The following ADCY2 variants were observed in gnomAD, a reference collection of about 807,000 sequenced individuals.
ADCY2 encodes adenylate cyclase type 2.
ADCY2 carries 31 observed loss-of-function variants against 125.2 expected under a neutral mutation model. The ratio of observed to expected loss-of-function variants is 0.25; its 90% CI spans 0.19 to 0.33. The LOEUF (loss-of-function observed/expected upper bound fraction) is 0.33. ADCY2 is among the 10% of genes least tolerant of loss of function. The pLI is 1.00. For synonymous variants in ADCY2, 512 were observed against 548.4 expected (o/e 0.93, Z 0.93); for missense variants, 904 against 1,418.2 (o/e 0.64, Z 5.82).
At chr5:7,499,808 G>A (rs911351793) in intron 2 of ADCY2, among the ~76,000 whole-genome samples, 1 of 150,742 alleles carries the variant, frequency 6.6e-6, no homozygotes, top group South Asian at 2.1e-4. Flanking sequence ...TGCCCATATA[G>A]AGAAAAAACA....
chr5:7,487,205 C>T (rs540435187), intron 2 of ADCY2, among the ~76,000 whole-genome samples: 1 of 152,300 alleles, frequency 6.6e-6, no homozygotes, highest in South Asian at 2.1e-4. Flanking sequence ...CAGATTCACC[C>T]CTTCTCCAGA....
intron 1 of ADCY2, among the ~76,000 whole-genome samples, chr5:7,411,663 A>G: frequency 6.6e-6 from 1 of 152,200 alleles, no homozygotes; most frequent in East Asian, 1.9e-4. Flanking sequence ...ATTTTTAAAA[A>G]AGAGAGAGAA....
At chr5:7,599,354 T>C (rs1304226681) in intron 3 of ADCY2, among the ~76,000 whole-genome samples, 4 of 152,306 alleles carry the variant, frequency 2.6e-5, no homozygotes, top group East Asian at 1.9e-4. Flanking sequence ...AACTGAGAGC[T>C]TACTGACTGT....
intron 2 of ADCY2, among the ~76,000 whole-genome samples, chr5:7,447,730 G>C (rs910763634): frequency 1.3e-5 from 2 of 152,212 alleles, no homozygotes; most frequent in Non-Finnish European, 2.9e-5. Flanking sequence ...GGATCTTGCA[G>C]ATGAGGGGCT....
chr5:7,571,113 G>A (rs1354279604), intron 3 of ADCY2, among the ~76,000 whole-genome samples: 1 of 152,136 alleles, frequency 6.6e-6, no homozygotes, highest in East Asian at 1.9e-4. Flanking sequence ...TAGAGAAGCA[G>A]AGCCAATAGG....
At chr5:7,487,425 C>G (rs1224528113) in intron 2 of ADCY2, among the ~76,000 whole-genome samples, 3 of 152,188 alleles carry the variant, frequency 2.0e-5, no homozygotes, top group African/African-American at 7.2e-5. Context: ...TCATCATAAA[C>G]AGATAACCTA....
chr5:7,763,832 C>T (rs1262927793), intron 16 of ADCY2, among the ~76,000 whole-genome samples: 3 of 152,170 alleles, frequency 2.0e-5, no homozygotes, highest in African/African-American at 4.8e-5. Context: ...TCTCTGTCAT[C>T]GCTTGCCATG....
chr5:7,419,555 G>A (rs961147778), intron 2 of ADCY2, among the ~76,000 whole-genome samples: 1 of 152,252 alleles, frequency 6.6e-6, no homozygotes, highest in African/African-American at 2.4e-5. Context: ...CCAGCCTTCC[G>A]AAGGTGAGGC....
intron 4 of ADCY2, among the ~76,000 whole-genome samples, chr5:7,682,105 C>T (rs1261102079): frequency 1.3e-5 from 2 of 152,152 alleles, no homozygotes; most frequent in South Asian, 2.1e-4. Context: ...ATATCTACAA[C>T]ATTAAGTGCT....
At chr5:7,687,823 G>A (rs535349325) in intron 4 of ADCY2, among the ~76,000 whole-genome samples, 16 of 152,286 alleles carry the variant, frequency 1.1e-4, no homozygotes, top group South Asian at 2.1e-4. Flanking sequence ...AAAGTTGACT[G>A]ATTGTTTTAA....
intron 3 of ADCY2, among the ~76,000 whole-genome samples, chr5:7,556,807 G>T (rs752812196): frequency 2.6e-5 from 4 of 152,212 alleles, no homozygotes; most frequent in Non-Finnish European, 4.4e-5. Flanking sequence ...TAGGTTGTGT[G>T]CTCCTTGTGA....
chr5:7,713,913 T>C (rs1342759761), intron 11 of ADCY2, among the ~76,000 whole-genome samples: 1 of 152,118 alleles, frequency 6.6e-6, no homozygotes, highest in Non-Finnish European at 1.5e-5. Flanking sequence ...AGAAAAGGAA[T>C]TGTACCCAAG....
chr5:7,521,351 A>G (rs1744439077), intron 3 of ADCY2, among the ~76,000 whole-genome samples: 2 of 151,990 alleles, frequency 1.3e-5, no homozygotes, highest in Admixed American at 6.5e-5. Flanking sequence ...TATCAGGTCT[A>G]TGAGCATTAA....
chr5:7,586,533 A>G (rs1210230533), intron 3 of ADCY2, among the ~76,000 whole-genome samples: 1 of 152,148 alleles, frequency 6.6e-6, no homozygotes, highest in African/African-American at 2.4e-5. Flanking sequence ...GGAACTATGC[A>G]GTTAATTCAA....
chr5:7,519,045 C>G (rs1023549052), intron 2 of ADCY2, among the ~76,000 whole-genome samples: 4 of 152,154 alleles, frequency 2.6e-5, no homozygotes, highest in Non-Finnish European at 5.9e-5. Context: ...GCCTGGAGTG[C>G]CAAATCGAAG....
chr5:7,627,746 T>A (rs1459829855), intron 4 of ADCY2, among the ~76,000 whole-genome samples: 1 of 152,232 alleles, frequency 6.6e-6, no homozygotes, highest in Non-Finnish European at 1.5e-5. Flanking sequence ...TGCTGAATGG[T>A]AATCATTCTT....
intron 14 of ADCY2, among the ~76,000 whole-genome samples, chr5:7,735,728 A>C (rs2126417195): frequency 6.6e-6 from 1 of 152,288 alleles, no homozygotes; most frequent in South Asian, 2.1e-4. Context: ...TCAATTGACT[A>C]ATATTTTGTT....
At chr5:7,555,903 TAAAC>T (rs1735494764) in intron 3 of ADCY2, among the ~76,000 whole-genome samples, 1 of 150,806 alleles carries the variant, frequency 6.6e-6, no homozygotes, top group African/African-American at 2.4e-5. Flanking sequence ...TCTTGGGTGA[TAAAC>T]AATAAAATTC....
chr5:7,642,317 GTCT>G (rs1465853936), intron 4 of ADCY2, among the ~76,000 whole-genome samples: 9 of 152,246 alleles, frequency 5.9e-5, no homozygotes, highest in African/African-American at 2.2e-4. Flanking sequence ...TGGCTTGTAA[GTCT>G]TCTTTTGAGA....
Sources: gnomAD v4.1 joint callset for allele counts (sites outside exome capture counted in the v4.1 genomes callset) on GRCh38, gnomAD v4.1.1 for gene constraint, MANE v1.5 for transcripts, NCBI Gene and HGNC (gene_info 2026-07-23, HGNC 2026-07-21) for gene names.